Variants in AGMO observed in about 807,000 individuals in gnomAD.
AGMO encodes the protein glyceryl-ether monooxygenase.
In AGMO, 75 loss-of-function variants were observed where a neutral mutation model predicts 60.2. The ratio of observed to expected loss-of-function variants is 1.25; its 90% confidence interval spans 1.03 to 1.51. The LOEUF (loss-of-function observed/expected upper bound fraction) is 1.51. Ranked by LOEUF, AGMO falls within the 40% of genes most tolerant of loss-of-function variation. The pLI is 0.00. For missense variants in AGMO, 763 were observed against 525.5 expected, an observed-to-expected ratio of 1.45 and a Z score of -4.42; for synonymous variants, 261 against 177.1, an observed-to-expected ratio of 1.47 and a Z score of -3.76.
At chr7:15,407,086 A>G (rs1784724088) in intron 5 of AGMO, among the ~76,000 whole-genome samples, 6 of 145,088 alleles carry the variant, frequency 4.1e-5, no homozygotes, top group South Asian at 2.1e-4. Context: ...GTGTATATAT[A>G]CACATATATA....
the AGMO span, among the ~76,000 whole-genome samples, chr7:15,131,976 T>C: frequency 3.9e-5 from 6 of 152,088 alleles, no homozygotes; most frequent in African/African-American, 1.4e-4. Flanking sequence ...TCCAAGCTCC[T>C]GCTGGACTCA....
At chr7:15,350,941 G>C (rs1004078757) in intron 12 of AGMO, among the ~76,000 whole-genome samples, 3 of 152,100 alleles carry the variant, frequency 2.0e-5, no homozygotes, top group Non-Finnish European at 4.4e-5. Context: ...TGCTCTTCTT[G>C]TTGTTGGTAT....
chr7:15,318,899 A>G (rs190984948), intron 12 of AGMO, among the ~76,000 whole-genome samples: 161 of 152,134 alleles, frequency 1.1e-3, no homozygotes, highest in African/African-American at 3.8e-3. Flanking sequence ...TAATTACAAC[A>G]CTTGATTGGC....
At chr7:15,292,054 C>T (rs116568860) in intron 12 of AGMO, among the ~76,000 whole-genome samples, 3,327 of 109,840 alleles carry the variant, frequency 0.03, 121 homozygotes, top group African/African-American at 0.11. Flanking sequence ...CTATAATCTG[C>T]AGACAATGAG....
Position 15,553,100 on chromosome 7 carries a change from T to G in AGMO, c.257+7041A>C, listed in dbSNP as rs1297600947. 2.1e-4 allele frequency among the ~76,000 whole-genome samples: 32 copies of G among 148,858 alleles called. No homozygotes were observed. In the East Asian group the frequency reaches 6.4e-3, roughly 30 times the overall value. ...AAAACCAAACACCGCATATTCTCACTCATAGGTGGGAATTGAACAATGAGA... is the reference window on the plus strand; with the variant it reads ...AAAACCAAACACCGCATATTCTCACGCATAGGTGGGAATTGAACAATGAGA... On this transcript the variant is annotated intron_variant, in intron 2 of 12. Coordinates refer to ENST00000342526, the MANE Select transcript of AGMO (RefSeq NM_001004320.2).
At chr7:15,286,987 C>T (rs1414898428) in intron 12 of AGMO, among the ~76,000 whole-genome samples, 1 of 152,046 alleles carries the variant, frequency 6.6e-6, no homozygotes, top group Non-Finnish European at 1.5e-5. Flanking sequence ...AAACCAAATA[C>T]CATATGCTTT....
chr7:15,363,676 C>G (rs1782851685), intron 12 of AGMO, among the ~76,000 whole-genome samples: 2 of 152,182 alleles, frequency 1.3e-5, no homozygotes, highest in Non-Finnish European at 2.9e-5. Flanking sequence ...GCTGGACATA[C>G]TACATTGCCC....
chr7:15,180,165 T>C, the AGMO span, among the ~76,000 whole-genome samples: 4 of 152,178 alleles, frequency 2.6e-5, no homozygotes, highest in African/African-American at 9.6e-5. Flanking sequence ...TGCTACACCT[T>C]TGGCGTTCTT....
At chr7:15,315,956 G>A (rs568047595) in intron 12 of AGMO, among the ~76,000 whole-genome samples, 2 of 151,980 alleles carry the variant, frequency 1.3e-5, no homozygotes, top group East Asian at 3.9e-4. Context: ...GATTATCTAG[G>A]GAAATAATTT....
the AGMO span, among the ~76,000 whole-genome samples, chr7:15,160,492 T>C: frequency 5.3e-5 from 8 of 152,312 alleles, no homozygotes; most frequent in Non-Finnish European, 8.8e-5. Flanking sequence ...TCTGTCTATA[T>C]ACGATTTGTC....
At chr7:15,283,358 T>G (rs868341639) in intron 12 of AGMO, among the ~76,000 whole-genome samples, 1 of 151,754 alleles carries the variant, frequency 6.6e-6, no homozygotes, top group Admixed American at 6.6e-5. Flanking sequence ...ATATAAAGAT[T>G]CATATAAACT....
At chr7:15,229,037 G>A (rs765442492) in intron 12 of AGMO, among the ~76,000 whole-genome samples, 3 of 152,088 alleles carry the variant, frequency 2.0e-5, no homozygotes, top group Non-Finnish European at 4.4e-5. Flanking sequence ...AGTGATATAT[G>A]ACTTGTAATG....
chr7:15,245,631 A>G (rs764129568), intron 12 of AGMO, among the ~76,000 whole-genome samples: 3 of 151,996 alleles, frequency 2.0e-5, no homozygotes, highest in Non-Finnish European at 4.4e-5. Flanking sequence ...AGTTTCATAT[A>G]CATGTTCTGA....
chr7:15,468,510 A>G (rs2128511408), intron 3 of AGMO, among the ~76,000 whole-genome samples: 1 of 152,240 alleles, frequency 6.6e-6, no homozygotes, highest in Non-Finnish European at 1.5e-5. Context: ...TAATAATTAT[A>G]CATATGCATT....
chr7:15,358,416 T>C (rs1177941270), intron 12 of AGMO: 3 of 471,060 alleles, frequency 6.4e-6, no homozygotes, highest in African/African-American at 4.0e-5. Flanking sequence ...ATAATTAGAT[T>C]GCAGAGTTGG....
intron 2 of AGMO, among the ~76,000 whole-genome samples, chr7:15,547,851 C>A (rs1183728749): frequency 6.6e-6 from 1 of 152,092 alleles, no homozygotes; most frequent in Non-Finnish European, 1.5e-5. Flanking sequence ...GTAGGCTCCA[C>A]CTCTGGGGGC....
intron 6 of AGMO, among the ~76,000 whole-genome samples, chr7:15,392,626 C>G (rs1229476222): frequency 6.6e-6 from 1 of 152,002 alleles, no homozygotes; most frequent in Non-Finnish European, 1.5e-5. Flanking sequence ...TGGTGAAACT[C>G]CATCTCTACT....
chr7:15,303,446 AGAG>A (rs1370552853), intron 12 of AGMO, among the ~76,000 whole-genome samples: 1 of 146,678 alleles, frequency 6.8e-6, no homozygotes, highest in African/African-American at 2.5e-5. Context: ...GAAAAAAAAA[AGAG>A]AGAGAAGGGG....
chr7:15,474,964 G>GA (rs1259786833), intron 3 of AGMO, among the ~76,000 whole-genome samples: 1 of 152,070 alleles, frequency 6.6e-6, no homozygotes, highest in Non-Finnish European at 1.5e-5. Flanking sequence ...CTGGTCATTA[G>GA]AAAAATGCAA....
Sources: allele counts gnomAD v4.1 joint callset (sites outside exome capture counted in the v4.1 genomes callset), GRCh38; gene constraint gnomAD v4.1.1; transcripts MANE v1.5; gene names NCBI Gene and HGNC (gene_info 2026-07-23, HGNC 2026-07-21).